ROBO2: variants seen among roughly 807,000 people sequenced by gnomAD.
ROBO2 encodes roundabout homolog 2.
Under a neutral mutation model 160.8 loss-of-function variants are expected in ROBO2, and 53 were observed. That is an observed-to-expected ratio of 0.33 (90% CI 0.26 to 0.41). ROBO2 has a LOEUF of 0.41. ROBO2 is among the 10% of genes least tolerant of loss of function. ROBO2 has a pLI of 1.00. For synonymous variants in ROBO2, 664 were observed against 611.7 expected, an observed-to-expected ratio of 1.09 and a Z score of -1.26; for missense variants, 1,577 against 1,722.4, an observed-to-expected ratio of 0.92 and a Z score of 1.49.
chr3:77,101,188 C>T (rs1249210470), intron 2 of ROBO2, among the ~76,000 whole-genome samples: 3 of 152,164 alleles, frequency 2.0e-5, no homozygotes, highest in African/African-American at 7.2e-5. Context: ...AGATTCTGAA[C>T]TGAACATAGC....
At chr3:77,069,350 G>A (rs1472797948) in intron 1 of ROBO2, among the ~76,000 whole-genome samples, 3 of 152,134 alleles carry the variant, frequency 2.0e-5, no homozygotes, top group Non-Finnish European at 4.4e-5. Flanking sequence ...CAAAGAAGTC[G>A]ATTGGGATCA....
intron 2 of ROBO2, among the ~76,000 whole-genome samples, chr3:76,802,727 CAAAA>C (rs71104621): frequency 2.9e-5 from 3 of 103,816 alleles, no homozygotes; most frequent in Admixed American, 9.3e-5. Context: ...GACTCCGTCT[CAAAA>C]AAAAAAAAAA....
intron 2 of ROBO2, among the ~76,000 whole-genome samples, chr3:77,387,560 T>C (rs1266088675): frequency 2.0e-5 from 3 of 152,100 alleles, no homozygotes; most frequent in Non-Finnish European, 2.9e-5. Flanking sequence ...GCCTGAAATT[T>C]TCTGATCTCC....
At chr3:76,979,533 A>C (rs1421776410) in intron 2 of ROBO2, among the ~76,000 whole-genome samples, 1 of 151,966 alleles carries the variant, frequency 6.6e-6, no homozygotes, top group Admixed American at 6.6e-5. Flanking sequence ...ATGTTGCTTC[A>C]AAAGACATGA....
chr3:76,162,039 A>G (rs1180857060), intron 2 of ROBO2, among the ~76,000 whole-genome samples: 1 of 152,158 alleles, frequency 6.6e-6, no homozygotes, highest in African/African-American at 2.4e-5. Flanking sequence ...GATAGCCTTG[A>G]GCTCTTGCTA....
At chr3:76,163,833 A>T (rs1050752413) in intron 2 of ROBO2, among the ~76,000 whole-genome samples, 5 of 151,926 alleles carry the variant, frequency 3.3e-5, no homozygotes, top group Non-Finnish European at 4.4e-5. Flanking sequence ...TCATACCTCT[A>T]CGTTGATGTC....
At chr3:77,632,495 G>A (rs1289849241) in intron 23 of ROBO2, 1 of 1,534,130 alleles carries the variant, frequency 6.5e-7, no homozygotes, top group Admixed American at 2.0e-5. Context: ...AATGGATGGG[G>A]CTCTGCATCT....
At chr3:76,839,340 G>A (rs752660959) in intron 2 of ROBO2, among the ~76,000 whole-genome samples, 1 of 152,122 alleles carries the variant, frequency 6.6e-6, no homozygotes, top group Non-Finnish European at 1.5e-5. Context: ...GGTGAAATAA[G>A]GCATGTAGGA....
intron 2 of ROBO2, among the ~76,000 whole-genome samples, chr3:76,161,161 A>AAGACCACTT (rs770442356): frequency 6.6e-6 from 1 of 152,052 alleles, no homozygotes; most frequent in Non-Finnish European, 1.5e-5. Flanking sequence ...ATCCTTAATC[A>AAGACCACTT]AGACCACTTA....
At chr3:76,353,527 A>T (rs930513984) in intron 2 of ROBO2, among the ~76,000 whole-genome samples, 18 of 151,962 alleles carry the variant, frequency 1.2e-4, no homozygotes, top group African/African-American at 4.3e-4. Flanking sequence ...TTTGTTGCCT[A>T]ACATTTCTCA....
chr3:76,812,284 T>C (rs1336542311), intron 2 of ROBO2, among the ~76,000 whole-genome samples: 1 of 150,158 alleles, frequency 6.7e-6, no homozygotes, highest in East Asian at 2.0e-4. Context: ...TTGAAACAAA[T>C]TGATATACCA....
intron 2 of ROBO2, among the ~76,000 whole-genome samples, chr3:76,150,670 A>G (rs907811081): frequency 3.9e-5 from 6 of 152,138 alleles, no homozygotes; most frequent in Admixed American, 1.3e-4. Context: ...ATATCACATC[A>G]TCAGGGAGAC....
chr3:76,976,248 T>C (rs1037299778), intron 2 of ROBO2, among the ~76,000 whole-genome samples: 1 of 152,194 alleles, frequency 6.6e-6, no homozygotes, highest in Non-Finnish European at 1.5e-5. Flanking sequence ...TCGAACAATA[T>C]GAAACTAGAG....
chr3:77,565,807 G>C (rs1324524160), intron 12 of ROBO2, among the ~76,000 whole-genome samples: 1 of 151,990 alleles, frequency 6.6e-6, no homozygotes, highest in Non-Finnish European at 1.5e-5. Flanking sequence ...AATACACACA[G>C]AGTATTAAAA....
chr3:77,542,928 A>G (rs1222538849), intron 6 of ROBO2, among the ~76,000 whole-genome samples: 1 of 152,196 alleles, frequency 6.6e-6, no homozygotes, highest in Non-Finnish European at 1.5e-5. Context: ...ATGAAATGTT[A>G]CACTTGTTTA....
At chr3:77,313,951 A>C (rs1465980514) in intron 2 of ROBO2, among the ~76,000 whole-genome samples, 2 of 152,208 alleles carry the variant, frequency 1.3e-5, no homozygotes, top group African/African-American at 2.4e-5. Context: ...CTTGGGCTAC[A>C]TGCCTATTTC....
chr3:77,109,924 C>A (rs1278239262), intron 2 of ROBO2, among the ~76,000 whole-genome samples: 1 of 152,190 alleles, frequency 6.6e-6, no homozygotes, highest in Non-Finnish European at 1.5e-5. Context: ...TGTATAAATA[C>A]AATGATGACC....
intron 2 of ROBO2, among the ~76,000 whole-genome samples, chr3:77,472,881 C>T (rs1005261060): frequency 1.3e-5 from 2 of 152,078 alleles, no homozygotes; most frequent in Non-Finnish European, 2.9e-5. Context: ...TTTGTTGGGG[C>T]TCAGAAACTG....
chr3:76,800,061 A>C (rs1292565676), intron 2 of ROBO2, among the ~76,000 whole-genome samples: 1 of 152,178 alleles, frequency 6.6e-6, no homozygotes, highest in Non-Finnish European at 1.5e-5. Context: ...CCCAGAAATA[A>C]ATCCATACAT....
Sources: gnomAD v4.1 joint callset for allele counts (sites outside exome capture counted in the v4.1 genomes callset) on GRCh38, gnomAD v4.1.1 for gene constraint, MANE v1.5 for transcripts, NCBI Gene and HGNC (gene_info 2026-07-23, HGNC 2026-07-21) for gene names.